The following FAM193A variants were observed in gnomAD, a reference collection of about 807,000 sequenced individuals.
The protein encoded by FAM193A is protein FAM193A.
A neutral mutation model predicts 126.5 loss-of-function variants in FAM193A; 22 were observed. The ratio of observed to expected loss-of-function variants is 0.17; its 90% CI spans 0.12 to 0.25. FAM193A has a LOEUF of 0.25. Among genes scored for constraint, FAM193A ranks in the 10% least tolerant of loss-of-function variants. The pLI is 1.00. For synonymous variants in FAM193A, 761 were observed against 646.8 expected, an observed-to-expected ratio of 1.18 and a Z score of -2.68; for missense variants, 1,675 against 1,672.8, an observed-to-expected ratio of 1.00 and a Z score of -0.02.
intron 2 of FAM193A, 82 bp from the exon 3 acceptor site, chr4:2,625,180 A>G (rs1742831937): frequency 1.7e-6 from 1 of 602,690 alleles, no homozygotes; most frequent in Admixed American, 2.8e-5. Context: ...TTTAAAAGGC[A>G]TTTTTCCTGA....
At chr4:2,581,904 C>T (rs550755258) in intron 1 of FAM193A, among the ~76,000 whole-genome samples, 7 of 150,402 alleles carry the variant, frequency 4.7e-5, no homozygotes, top group East Asian at 2.0e-4. Flanking sequence ...CTGCCTGCCT[C>T]GGCCTCCCAA....
chr4:2,726,381 CT>C (rs1474367029), intron 20 of FAM193A, among the ~76,000 whole-genome samples: 1 of 152,072 alleles, frequency 6.6e-6, no homozygotes, highest in Non-Finnish European at 1.5e-5. Context: ...CTAATTTGTT[CT>C]TTTTTTCTTA....
Position 2,700,356 on chromosome 4 carries a change from G to T in FAM193A, c.4184G>T (p.Ser1395Ile), listed in dbSNP as rs1397699672. The T allele has an allele frequency of 1.2e-6, 2 of 1,614,072 alleles. No individual in the cohort carries two copies. Among genetic ancestry groups the T allele is most frequent in the East Asian group, 4.5e-5 (2 of 44,850 alleles). Reference protein sequence around the residue: ...EQKREERKVNSNNNNKKQLNH... With the variant: ...EQKREERKVNINNNNKKQLNH... ...AAAAGAGAGGAGAGAAAAGTCAACAGTAATAACAATAACAAAAAGCAGCTG... is the reference window on the plus strand; with the variant it reads ...AAAAGAGAGGAGAGAAAAGTCAACATTAATAACAATAACAAAAAGCAGCTG... The change falls in exon 19 of 21, where the codon AGT becomes ATT. Residue 1395 changes from serine to isoleucine, a missense_variant. Ser to Ile is a moderately radical substitution (Grantham distance 142). Transcript: ENST00000637812.
At chr4:2,583,649 T>C (rs74710862) in intron 1 of FAM193A, among the ~76,000 whole-genome samples, 4,376 of 152,282 alleles carry the variant, frequency 0.029, 223 homozygotes, top group African/African-American at 0.099. Flanking sequence ...GTTTCTGCAG[T>C]TGCCAGAAAT....
At position 2,663,256 on chromosome 4, in the gene FAM193A, G is replaced by C; in HGVS notation, c.2047G>C (p.Asp683His). 2 of 1,611,706 alleles carry C rather than the reference G, an allele frequency of 1.2e-6. No individual in the cohort carries two copies. Among genetic ancestry groups the C allele is most frequent in the Non-Finnish European group, 8.5e-7 (1 of 1,179,266 alleles). Residue 683 changes from aspartate (D) to histidine (H), a missense_variant, in exon 12 of 21, where the codon GAC becomes CAC. Around this residue, in one of 4 missense-constraint regions of FAM193A, gnomAD observed 1,186 missense variants for 1,109.2 expected, o/e 1.07. Coordinates refer to ENST00000637812, the MANE Select transcript of FAM193A (RefSeq NM_001366318.2). The part of the protein sequence containing the change: ...RSPRTEESKA[D>H]SPPPSYPTQQ... ...CCCCAGGACAGAGGAGAGCAAAGCA[G>C]ACAGTCCACCCCCATCCTACCCAAC...
At chr4:2,628,779 GC>G (rs1317311937) in intron 4 of FAM193A, among the ~76,000 whole-genome samples, 1 of 152,014 alleles carries the variant, frequency 6.6e-6, no homozygotes, top group Non-Finnish European at 1.5e-5. Context: ...TAGTTGATGT[GC>G]CCGCATCTGT....
intron 19 of FAM193A, among the ~76,000 whole-genome samples, chr4:2,701,999 C>T (rs931052596): frequency 6.6e-6 from 1 of 152,078 alleles, no homozygotes; most frequent in Non-Finnish European, 1.5e-5. Context: ...CTCAAACTCC[C>T]GACCTCAGTT....
chr4:2,599,790 G>A (rs905883858), intron 2 of FAM193A, among the ~76,000 whole-genome samples: 4 of 151,188 alleles, frequency 2.6e-5, no homozygotes, highest in African/African-American at 9.7e-5. Flanking sequence ...AGGCTGGAGT[G>A]CAGTGGTGCA....
At chr4:2,577,629 G>T (rs1360577972) in intron 1 of FAM193A, among the ~76,000 whole-genome samples, 1 of 151,898 alleles carries the variant, frequency 6.6e-6, no homozygotes, top group African/African-American at 2.4e-5. Context: ...GTGTTGGCCA[G>T]GCTGGTCTTG....
chr4:2,676,180 A>G (rs1052160387), intron 13 of FAM193A, among the ~76,000 whole-genome samples: 2 of 152,158 alleles, frequency 1.3e-5, no homozygotes, highest in African/African-American at 4.8e-5. Context: ...TGTATTTTTA[A>G]TTTTTGGAGG....
chr4:2,726,950 CAAAAAAAAA>C (rs35697253), intron 20 of FAM193A, among the ~76,000 whole-genome samples: 3 of 104,054 alleles, frequency 2.9e-5, no homozygotes, highest in Non-Finnish European at 5.9e-5. Flanking sequence ...AACTCCGTCC[CAAAAAAAAA>C]AAAAAAAAAA....
At chr4:2,594,249 G>A (rs141292923) in intron 1 of FAM193A, among the ~76,000 whole-genome samples, 22 of 152,322 alleles carry the variant, frequency 1.4e-4, no homozygotes, top group African/African-American at 5.1e-4. Context: ...TCAGCAGGAA[G>A]TCTTAAGAAT....
At chr4:2,617,236 TTTA>T (rs1353931346) in intron 2 of FAM193A, among the ~76,000 whole-genome samples, 1 of 59,546 alleles carries the variant, frequency 1.7e-5, no homozygotes, top group African/African-American at 1.3e-4. Flanking sequence ...GAAGTATGTT[TTTA>T]TTATATATAT....
rs577460906 is a variant in FAM193A, at chr4:2,578,633, T to C, written c.256-17451T>C. ...CCCATTGTGGAGTCAGAAATTCGCT[T>C]ATACCTTTCAACTCTCCAAAACCTT... On this transcript the variant is annotated intron_variant, in intron 1 of 20. Coordinates refer to ENST00000637812, the MANE Select transcript of FAM193A (RefSeq NM_001366318.2). 5.9e-5 allele frequency among the ~76,000 whole-genome samples: 9 copies of C among 152,238 alleles called. No homozygotes were observed. In the South Asian group the frequency reaches 1.9e-3, roughly 32 times the overall value.
intron 18 of FAM193A, among the ~76,000 whole-genome samples, chr4:2,697,390 C>CT (rs765972435): frequency 2.0e-5 from 3 of 152,130 alleles, no homozygotes; most frequent in Non-Finnish European, 2.9e-5. Flanking sequence ...GGAGGATTGT[C>CT]TAAATGCCCC....
At chr4:2,538,899 AT>A (rs113071260) in intron 1 of FAM193A, among the ~76,000 whole-genome samples, 7,363 of 150,414 alleles carry the variant, frequency 0.049, 270 homozygotes, top group African/African-American at 0.092. Flanking sequence ...ATTTTTATTT[AT>A]TTTTTTTTGA....
chr4:2,639,617 A>G, intron 5 of FAM193A, 118 bp from the exon 6 acceptor site: 1 of 635,600 alleles, frequency 1.6e-6, no homozygotes, highest in Non-Finnish European at 2.5e-6. Context: ...GGGCCTGTGA[A>G]GAGGGATGTG....
intron 1 of FAM193A, among the ~76,000 whole-genome samples, chr4:2,574,216 C>T (rs1452716359): frequency 6.6e-6 from 1 of 150,520 alleles, no homozygotes; most frequent in Non-Finnish European, 1.5e-5. Flanking sequence ...GCTGCACTCT[C>T]TTGACATGTG....
At chr4:2,549,407 T>A (rs1391618973) in intron 1 of FAM193A, among the ~76,000 whole-genome samples, 2 of 141,836 alleles carry the variant, frequency 1.4e-5, no homozygotes, top group African/African-American at 5.2e-5. Flanking sequence ...TTTTTTTTTT[T>A]TTTTTTTGAG....
Sources: gnomAD v4.1 joint callset for allele counts (sites outside exome capture counted in the v4.1 genomes callset) on GRCh38, gnomAD v4.1.1 for gene constraint, gnomAD v4.1.1 regional missense constraint, MANE v1.5 for transcripts, NCBI Gene and HGNC (gene_info 2026-07-23, HGNC 2026-07-21) for gene names.